Variants in NRXN1 observed in about 807,000 individuals in gnomAD.
NRXN1 encodes neurexin 1, also known as neurexin-1.
Under a neutral mutation model 150.9 loss-of-function variants are expected in NRXN1, and 39 were observed. That is an observed-to-expected ratio of 0.26 (90% CI 0.20 to 0.34). The LOEUF is 0.34. Among genes scored for constraint, NRXN1 ranks in the 10% least tolerant of loss-of-function variants. NRXN1 has a pLI of 1.00. For missense variants in NRXN1, 1,815 were observed against 1,949.9 expected, an observed-to-expected ratio of 0.93 and a Z score of 1.30; for synonymous variants, 924 against 757.0, an observed-to-expected ratio of 1.22 and a Z score of -3.62.
intron 18 of NRXN1, among the ~76,000 whole-genome samples, chr2:50,117,418 T>A (rs114962760): frequency 0.037 from 5,605 of 152,224 alleles, 154 homozygotes; most frequent in Middle Eastern, 0.075. Context: ...ACCCTTCTCC[T>A]CAATCCATAA....
intron 17 of NRXN1, among the ~76,000 whole-genome samples, chr2:50,277,141 AAAC>A (rs1198470971): frequency 2.0e-5 from 3 of 152,328 alleles, no homozygotes; most frequent in Middle Eastern, 3.4e-3. Flanking sequence ...ATGGAGTTTA[AAAC>A]AACAACAACA....
intron 18 of NRXN1, among the ~76,000 whole-genome samples, chr2:50,125,311 A>G (rs1704411677): frequency 1.3e-5 from 2 of 152,232 alleles, no homozygotes; most frequent in South Asian, 4.1e-4. Context: ...AATACAATCT[A>G]TATAATCTTT....
intron 8 of NRXN1, among the ~76,000 whole-genome samples, chr2:50,603,865 G>A (rs1161397973): frequency 6.6e-6 from 1 of 152,106 alleles, no homozygotes; most frequent in Non-Finnish European, 1.5e-5. Context: ...TAGTCTAAAC[G>A]ATTAAAGACT....
chr2:50,327,640 T>C (rs188892324), intron 17 of NRXN1, among the ~76,000 whole-genome samples: 2 of 151,506 alleles, frequency 1.3e-5, no homozygotes, highest in Non-Finnish European at 2.9e-5. Context: ...CCTTCCTTCC[T>C]TTCCTCCTTT....
At chr2:50,812,455 T>A (rs574002489) in intron 5 of NRXN1, among the ~76,000 whole-genome samples, 2 of 152,196 alleles carry the variant, frequency 1.3e-5, no homozygotes, top group South Asian at 4.1e-4. Context: ...ATAGAAAATT[T>A]GAGATTTTGG....
chr2:50,670,967 G>C (rs1348291873), intron 5 of NRXN1, among the ~76,000 whole-genome samples: 1 of 151,760 alleles, frequency 6.6e-6, no homozygotes, highest in Non-Finnish European at 1.5e-5. Flanking sequence ...TCACTTTAGA[G>C]TTAATAAATA....
intron 8 of NRXN1, among the ~76,000 whole-genome samples, chr2:50,591,006 T>C (rs1674093188): frequency 1.3e-5 from 2 of 152,176 alleles, no homozygotes; most frequent in South Asian, 4.1e-4. Context: ...TCTCTGTCTT[T>C]TATTAAGTGT....
chr2:50,400,617 G>C (rs1212954249), intron 17 of NRXN1, among the ~76,000 whole-genome samples: 8 of 152,088 alleles, frequency 5.3e-5, no homozygotes, highest in African/African-American at 1.9e-4. Flanking sequence ...ACATTAAAAA[G>C]GTTCCATTGG....
chr2:51,009,115 A>C (rs572167168), intron 2 of NRXN1: 15 of 152,066 alleles, frequency 9.9e-5, no homozygotes, highest in African/African-American at 3.6e-4. Context: ...ACTTAACTCC[A>C]ATATTGCCCT....
At chr2:50,751,397 C>T (rs1700578103) in intron 5 of NRXN1, among the ~76,000 whole-genome samples, 1 of 151,968 alleles carries the variant, frequency 6.6e-6, no homozygotes, top group Non-Finnish European at 1.5e-5. Flanking sequence ...CATATTCTCC[C>T]AGATCAGGAC....
At chr2:50,870,632 C>T (rs551713605) in intron 5 of NRXN1, among the ~76,000 whole-genome samples, 2 of 151,904 alleles carry the variant, frequency 1.3e-5, no homozygotes, top group African/African-American at 4.8e-5. Context: ...AGCTTGTAAC[C>T]CATGTGTTGC....
At chr2:50,881,673 C>A (rs1336404018) in intron 5 of NRXN1, among the ~76,000 whole-genome samples, 1 of 151,592 alleles carries the variant, frequency 6.6e-6, no homozygotes, top group Non-Finnish European at 1.5e-5. Flanking sequence ...GGGGCTGGAC[C>A]CTGATTTGAG....
At chr2:50,746,216 G>A (rs927485033) in intron 5 of NRXN1, among the ~76,000 whole-genome samples, 2 of 151,992 alleles carry the variant, frequency 1.3e-5, no homozygotes, top group African/African-American at 4.8e-5. Context: ...AGGCTTCCAA[G>A]AGCTCACTGG....
intron 5 of NRXN1, among the ~76,000 whole-genome samples, chr2:50,875,883 A>G (rs1678514114): frequency 1.3e-5 from 2 of 151,854 alleles, no homozygotes; most frequent in Non-Finnish European, 2.9e-5. Context: ...TTAAAAAGAC[A>G]GTACATTCCC....
At chr2:50,191,668 C>T (rs73932981) in intron 18 of NRXN1, among the ~76,000 whole-genome samples, 2,879 of 152,246 alleles carry the variant, frequency 0.019, 97 homozygotes, top group African/African-American at 0.066. Context: ...TGTCTTCTAA[C>T]TGGAATCATA....
chr2:50,233,113 T>G (rs889636966), intron 18 of NRXN1, among the ~76,000 whole-genome samples: 1 of 152,152 alleles, frequency 6.6e-6, no homozygotes, highest in African/African-American at 2.4e-5. Flanking sequence ...GTATTTTCAA[T>G]GTATAATTTA....
intron 5 of NRXN1, among the ~76,000 whole-genome samples, chr2:50,850,485 T>C (rs192105303): frequency 2.0e-5 from 3 of 152,298 alleles, no homozygotes; most frequent in Admixed American, 2.0e-4. Flanking sequence ...CTTTCTTTCT[T>C]GCTTCAGTCA....
chr2:51,029,484 A>G (rs1671143706), intron 1 of NRXN1, among the ~76,000 whole-genome samples: 1 of 152,184 alleles, frequency 6.6e-6, no homozygotes, highest in South Asian at 2.1e-4. Context: ...TTCTTTTCGC[A>G]AGATAGTTTA....
At chr2:50,309,090 C>A (rs1436519929) in intron 17 of NRXN1, among the ~76,000 whole-genome samples, 1 of 152,186 alleles carries the variant, frequency 6.6e-6, no homozygotes, top group Admixed American at 6.5e-5. Context: ...TTTCTTAATA[C>A]TTTACAGCTG....
Sources: allele counts gnomAD v4.1 joint callset (sites outside exome capture counted in the v4.1 genomes callset), GRCh38; gene constraint gnomAD v4.1.1; transcripts MANE v1.5; gene names NCBI Gene and HGNC (gene_info 2026-07-23, HGNC 2026-07-21).